Variants in RGS7 observed in about 807,000 individuals in gnomAD.
The protein encoded by RGS7 is regulator of G protein signaling 7, also known as regulator of G-protein signaling 7.
A neutral mutation model predicts 81.1 loss-of-function variants in RGS7; 27 were observed. The observed-to-expected ratio is 0.33, with a 90% confidence interval of 0.25 to 0.46. The LOEUF (loss-of-function observed/expected upper bound fraction) is 0.46. Among genes scored for constraint, RGS7 ranks in the 20% least tolerant of loss-of-function variants. The pLI, the probability that RGS7 is intolerant of heterozygous loss-of-function variation, is 1.00. For missense variants in RGS7, 396 were observed against 607.4 expected (o/e 0.65, Z 3.66); for synonymous variants, 208 against 207.7 (o/e 1.00, Z -0.01).
intron 4 of RGS7, among the ~76,000 whole-genome samples, chr1:240,964,893 A>G (rs1207998362): frequency 6.6e-6 from 1 of 152,200 alleles, no homozygotes; most frequent in Non-Finnish European, 1.5e-5. Context: ...CACTCCATTT[A>G]TATTACATAC....
At chr1:241,032,332 A>G (rs112708643) in intron 3 of RGS7, among the ~76,000 whole-genome samples, 99 of 152,228 alleles carry the variant, frequency 6.5e-4, no homozygotes, top group African/African-American at 2.4e-3. Flanking sequence ...CCATTGACCT[A>G]TGTGTCTATT....
At chr1:241,329,912 TTTTC>T (rs1394752173) in intron 2 of RGS7, among the ~76,000 whole-genome samples, 2 of 151,972 alleles carry the variant, frequency 1.3e-5, no homozygotes, top group Non-Finnish European at 2.9e-5. Flanking sequence ...TGATGGCAAT[TTTTC>T]TTTGTTTTTT....
At chr1:241,073,174 C>CA (rs138122010) in intron 3 of RGS7, among the ~76,000 whole-genome samples, 5 of 151,722 alleles carry the variant, frequency 3.3e-5, no homozygotes, top group Non-Finnish European at 5.9e-5. Flanking sequence ...TCCTTTATTC[C>CA]AAAAAAAACC....
intron 4 of RGS7, among the ~76,000 whole-genome samples, chr1:240,948,505 G>A (rs1162054953): frequency 3.9e-5 from 6 of 151,908 alleles, no homozygotes; most frequent in East Asian, 1.9e-4. Flanking sequence ...GTGCATTGGC[G>A]TGATCTGGGC....
rs1215755464 is a variant in RGS7 at position 240,877,471 on chromosome 1, A to G, written c.386-7352T>C. 3.3e-5 allele frequency among the ~76,000 whole-genome samples: 5 copies of G among 151,926 alleles called. No individual in the cohort carries two copies. In the East Asian group the frequency reaches 9.6e-4, roughly 29 times the overall value. ...GTTTATATACAAAATCTATATGCAT[A>G]TATTTATTTTAAGTGTGCTCAAAAC... On this transcript the variant is annotated intron_variant, in intron 6 of 18. Transcript: ENST00000440928.
intron 14 of RGS7, among the ~76,000 whole-genome samples, chr1:240,810,524 G>A (rs1689665661): frequency 7.0e-6 from 1 of 143,672 alleles, no homozygotes; most frequent in Non-Finnish European, 1.5e-5. Context: ...TCAGCTCACT[G>A]CAACCTCCAC....
chr1:241,207,995 G>A (rs954582436), intron 2 of RGS7, among the ~76,000 whole-genome samples: 9 of 152,126 alleles, frequency 5.9e-5, no homozygotes, highest in Non-Finnish European at 8.8e-5. Flanking sequence ...AACCTCTGCT[G>A]CCCAGGTTCA....
intron 5 of RGS7, among the ~76,000 whole-genome samples, chr1:240,933,093 A>C (rs182320643): frequency 1.1e-4 from 16 of 150,050 alleles, no homozygotes; most frequent in Non-Finnish European, 1.6e-4. Flanking sequence ...CGTGTTAGCC[A>C]GGATGGTCTC....
chr1:241,242,606 G>C (rs1365314548), intron 2 of RGS7, among the ~76,000 whole-genome samples: 2 of 152,074 alleles, frequency 1.3e-5, no homozygotes, highest in Non-Finnish European at 2.9e-5. Flanking sequence ...AGTGTAGAAG[G>C]TTTCCCTTTT....
At chr1:241,184,150 A>G (rs1440590878) in intron 2 of RGS7, among the ~76,000 whole-genome samples, 3 of 152,182 alleles carry the variant, frequency 2.0e-5, no homozygotes, top group Non-Finnish European at 4.4e-5. Context: ...TGACTGGATT[A>G]TTATTGCACT....
chr1:240,901,670 T>C (rs2148201332), intron 6 of RGS7, among the ~76,000 whole-genome samples: 1 of 152,284 alleles, frequency 6.6e-6, no homozygotes, highest in East Asian at 1.9e-4. Flanking sequence ...GTTGGCATAG[T>C]TATAATGGCT....
intron 6 of RGS7, among the ~76,000 whole-genome samples, chr1:240,885,377 G>A (rs1667178042): frequency 6.6e-6 from 1 of 152,022 alleles, no homozygotes; most frequent in Non-Finnish European, 1.5e-5. Flanking sequence ...AACTACCATT[G>A]GACCCAGCAA....
chr1:241,139,759 C>T (rs1414783276), intron 2 of RGS7, among the ~76,000 whole-genome samples: 1 of 152,194 alleles, frequency 6.6e-6, no homozygotes, highest in African/African-American at 2.4e-5. Flanking sequence ...TGATGTTCAT[C>T]GTCTTTTCAT....
intron 9 of RGS7, among the ~76,000 whole-genome samples, chr1:240,865,871 G>T (rs929633206): frequency 6.6e-6 from 1 of 152,084 alleles, no homozygotes; most frequent in Non-Finnish European, 1.5e-5. Context: ...TATGTGTTTG[G>T]CTGAGAAAAT....
At chr1:241,037,296 C>T (rs2060377519) in intron 3 of RGS7, among the ~76,000 whole-genome samples, 1 of 152,140 alleles carries the variant, frequency 6.6e-6, no homozygotes, top group South Asian at 2.1e-4. Flanking sequence ...TATTGACCAA[C>T]TAAATCTTCA....
chr1:241,001,791 G>C (rs2148631110), intron 3 of RGS7, among the ~76,000 whole-genome samples: 1 of 152,262 alleles, frequency 6.6e-6, no homozygotes, highest in South Asian at 2.1e-4. Flanking sequence ...GAGATGAACA[G>C]GTAGAGCATA....
intron 4 of RGS7, among the ~76,000 whole-genome samples, chr1:240,944,278 GTGTGTATATATA>G (rs1372709927): frequency 1.3e-3 from 27 of 20,442 alleles, no homozygotes; most frequent in East Asian, 4.3e-3. Flanking sequence ...GTGTGTGTGT[GTGTGTATATATA>G]TATATATATA....
chr1:241,328,516 C>T (rs1004253133), intron 2 of RGS7, among the ~76,000 whole-genome samples: 5 of 152,216 alleles, frequency 3.3e-5, no homozygotes, highest in African/African-American at 1.2e-4. Context: ...AATGCAAACT[C>T]ACATAACCAT....
chr1:241,142,167 T>C (rs1051643579), intron 2 of RGS7, among the ~76,000 whole-genome samples: 4 of 152,174 alleles, frequency 2.6e-5, no homozygotes, highest in Admixed American at 2.6e-4. Context: ...GGGTACAACC[T>C]CCCTCCTGGC....
Sources: allele counts gnomAD v4.1 joint callset (sites outside exome capture counted in the v4.1 genomes callset), GRCh38; gene constraint gnomAD v4.1.1; transcripts MANE v1.5; gene names NCBI Gene and HGNC (gene_info 2026-07-23, HGNC 2026-07-21).